GRIA3: variants seen among roughly 807,000 people sequenced by gnomAD.
GRIA3 encodes the protein glutamate receptor 3.
GRIA3 carries 3 observed loss-of-function variants against 63.0 expected under a neutral mutation model. That is an observed-to-expected ratio of 0.05 (90% CI 0.02 to 0.12). The LOEUF is 0.12. Among genes scored for constraint, GRIA3 ranks in the 10% least tolerant of loss-of-function variants. GRIA3 has a pLI of 1.00. For missense variants in GRIA3, 347 were observed against 700.9 expected (o/e 0.50, Z 5.70); for synonymous variants, 274 against 257.9 (o/e 1.06, Z -0.60).
intron 2 of GRIA3, among the ~76,000 whole-genome samples, chrX:123,206,733 G>C (rs144322626): frequency 2.3e-4 from 26 of 111,258 alleles, no homozygotes; most frequent in African/African-American, 8.5e-4. Context: ...GTGGATTTTA[G>C]TGTTCCAGGG....
chrX:123,439,080 T>A (rs903468594), intron 12 of GRIA3, among the ~76,000 whole-genome samples: 1 of 112,162 alleles, frequency 8.9e-6, no homozygotes, highest in African/African-American at 3.2e-5. Flanking sequence ...ACCACACATT[T>A]ATACAAAGCC....
chrX:123,448,180 T>G (rs17334676), intron 12 of GRIA3, among the ~76,000 whole-genome samples: 32,120 of 111,610 alleles, frequency 0.29, 4,020 homozygotes, highest in Middle Eastern at 0.4. Flanking sequence ...ACTCAGGAGT[T>G]CATTTATTTT....
At chrX:123,310,840 T>C (rs2044785830) in intron 3 of GRIA3, among the ~76,000 whole-genome samples, 1 of 110,965 alleles carries the variant, frequency 9.0e-6, no homozygotes, top group Non-Finnish European at 1.9e-5. Context: ...CTGTCTTTAC[T>C]AAAAATACAA....
chrX:123,222,670 C>T (rs2147266197), intron 2 of GRIA3, among the ~76,000 whole-genome samples: 1 of 112,315 alleles, frequency 8.9e-6, no homozygotes, highest in Admixed American at 9.4e-5. Flanking sequence ...TTAGTTGATA[C>T]TGGGTGAGAC....
intron 6 of GRIA3, among the ~76,000 whole-genome samples, chrX:123,396,908 G>T (rs2045417216): frequency 8.9e-6 from 1 of 112,135 alleles, no homozygotes; most frequent in African/African-American, 3.2e-5. Flanking sequence ...GTAGAAGAGA[G>T]AAATTCATTT....
intron 4 of GRIA3, among the ~76,000 whole-genome samples, chrX:123,337,838 C>T (rs1263254162): frequency 8.9e-6 from 1 of 112,074 alleles, no homozygotes; most frequent in Non-Finnish European, 1.9e-5. Flanking sequence ...AAACTTCCTA[C>T]TCAACAAATT....
chrX:123,411,806 A>G (rs913647879), intron 10 of GRIA3, among the ~76,000 whole-genome samples: 1 of 110,927 alleles, frequency 9.0e-6, no homozygotes, highest in African/African-American at 3.3e-5. Flanking sequence ...CATTTGCTTG[A>G]TTTTGTCTGT....
In GRIA3 at chrX:123,395,124, C is replaced by T. The variant is rs780987918; in HGVS notation, c.907C>T (p.Leu303=). 5.0e-6 allele frequency: 6 copies of T among 1,206,712 alleles called. 1 individual carries two copies. In the East Asian group the frequency reaches 1.5e-4, roughly 30 times the overall value. The change falls in exon 6 of 16, where the codon CTA becomes TTA. Residue 303 remains leucine (L), a synonymous_variant. Transcript: ENST00000620443. ...REFPEAKNAP[L]KYTSALTHDA... ...ATTCCCTGAAGCCAAGAATGCACCACTAAAGGTAATGTTCCATGGCATGTA... is the reference window on the plus strand; with the variant it reads ...ATTCCCTGAAGCCAAGAATGCACCATTAAAGGTAATGTTCCATGGCATGTA...
intron 12 of GRIA3, among the ~76,000 whole-genome samples, chrX:123,445,202 G>A (rs1164217864): frequency 1.8e-5 from 2 of 112,004 alleles, no homozygotes; most frequent in Non-Finnish European, 3.8e-5. Context: ...TTTAAGAGGA[G>A]CCATCCCTTC....
At chrX:123,443,668 G>A (rs758725430) in intron 12 of GRIA3, among the ~76,000 whole-genome samples, 1 of 111,305 alleles carries the variant, frequency 9.0e-6, no homozygotes, top group African/African-American at 3.3e-5. Context: ...ATTCAGGACT[G>A]TTATGTTAGT....
At chrX:123,270,317 A>G (rs1050433720) in intron 3 of GRIA3, among the ~76,000 whole-genome samples, 5 of 112,500 alleles carry the variant, frequency 4.4e-5, no homozygotes, top group African/African-American at 6.5e-5. Context: ...AGCAAAGGAC[A>G]GCCATTGGAG....
intron 5 of GRIA3, among the ~76,000 whole-genome samples, chrX:123,387,909 G>T (rs2147374032): frequency 8.9e-6 from 1 of 111,769 alleles, no homozygotes; most frequent in East Asian, 2.8e-4. Flanking sequence ...TTGCATCCTT[G>T]TCTGGTTTTG....
intron 3 of GRIA3, among the ~76,000 whole-genome samples, chrX:123,272,785 G>C (rs1210605476): frequency 8.9e-6 from 1 of 111,893 alleles, no homozygotes; most frequent in Non-Finnish European, 1.9e-5. Flanking sequence ...AGCACTGAGA[G>C]AGAGAAACAT....
intron 11 of GRIA3, among the ~76,000 whole-genome samples, chrX:123,424,688 A>G (rs1477870345): frequency 9.0e-6 from 1 of 111,662 alleles, no homozygotes. Flanking sequence ...CATGAAAATG[A>G]CCATTTTGCA....
intron 5 of GRIA3, among the ~76,000 whole-genome samples, chrX:123,377,112 A>G (rs1472613344): frequency 9.2e-6 from 1 of 108,643 alleles, no homozygotes; most frequent in Non-Finnish European, 1.9e-5. Context: ...TTTTTTTTAT[A>G]TTTTTAGTAG....
intron 3 of GRIA3, among the ~76,000 whole-genome samples, chrX:123,284,497 C>T (rs1290873919): frequency 2.7e-5 from 3 of 110,901 alleles, no homozygotes; most frequent in Non-Finnish European, 5.7e-5. Flanking sequence ...AAGCTAAGAA[C>T]CTTCAAAAAA....
intron 3 of GRIA3, among the ~76,000 whole-genome samples, chrX:123,270,169 A>G (rs982763463): frequency 2.7e-5 from 3 of 111,740 alleles, no homozygotes; most frequent in Non-Finnish European, 5.6e-5. Flanking sequence ...AATTGGGAGG[A>G]ATGGCCATGT....
intron 3 of GRIA3, among the ~76,000 whole-genome samples, chrX:123,286,429 G>A (rs1490304099): frequency 3.7e-5 from 4 of 108,326 alleles, no homozygotes; most frequent in South Asian, 4.1e-4. Flanking sequence ...AGAGCAGAAC[G>A]AAAGGAGATA....
At chrX:123,327,479 T>C (rs931182104) in intron 4 of GRIA3, among the ~76,000 whole-genome samples, 8 of 111,384 alleles carry the variant, frequency 7.2e-5, no homozygotes, top group African/African-American at 2.0e-4. Context: ...GCTTCAGAGA[T>C]TGAAATTATA....
Sources: allele counts gnomAD v4.1 joint callset (sites outside exome capture counted in the v4.1 genomes callset), GRCh38; gene constraint gnomAD v4.1.1; transcripts MANE v1.5; gene names NCBI Gene and HGNC (gene_info 2026-07-23, HGNC 2026-07-21).